CACNA2D3: variants seen among roughly 807,000 people sequenced by gnomAD.
CACNA2D3 encodes the protein calcium voltage-gated channel auxiliary subunit alpha2delta 3, also known as voltage-dependent calcium channel subunit alpha-2/delta-3.
A neutral mutation model predicts 160.6 loss-of-function variants in CACNA2D3; 60 were observed. The observed-to-expected ratio is 0.37, with a 90% CI of 0.30 to 0.46. The LOEUF (loss-of-function observed/expected upper bound fraction) is 0.46, where lower values mean the gene tolerates loss of function less well. Among genes scored for constraint, CACNA2D3 ranks in the 20% least tolerant of loss-of-function variants. The pLI is 1.00. For missense variants in CACNA2D3, 1,205 were observed against 1,365.0 expected, an observed-to-expected ratio of 0.88 and a Z score of 1.85; for synonymous variants, 558 against 492.9, an observed-to-expected ratio of 1.13 and a Z score of -1.75.
intron 4 of CACNA2D3, among the ~76,000 whole-genome samples, chr3:54,462,905 G>A (rs1020742356): frequency 6.7e-6 from 1 of 149,216 alleles, no homozygotes; most frequent in African/African-American, 2.5e-5. Flanking sequence ...ATTTTGCAGC[G>A]GCTGGTACCG....
At chr3:54,526,220 A>G (rs1315322787) in intron 5 of CACNA2D3, among the ~76,000 whole-genome samples, 1 of 152,100 alleles carries the variant, frequency 6.6e-6, no homozygotes, top group East Asian at 1.9e-4. Context: ...GTGATGTCGT[A>G]ATATCCATCT....
chr3:54,578,169 G>A (rs1702617579), intron 8 of CACNA2D3, among the ~76,000 whole-genome samples: 1 of 152,206 alleles, frequency 6.6e-6, no homozygotes, highest in African/African-American at 2.4e-5. Context: ...AATCCTGGTA[G>A]TGCAGGGAAG....
At chr3:54,687,161 C>T (rs1454612387) in intron 11 of CACNA2D3, among the ~76,000 whole-genome samples, 2 of 64,522 alleles carry the variant, frequency 3.1e-5, no homozygotes, top group African/African-American at 6.6e-5. Context: ...GTTTTTTTGA[C>T]ACTGGGCCTC....
chr3:55,069,834 T>G (rs1435798030), intron 35 of CACNA2D3, among the ~76,000 whole-genome samples: 1 of 152,240 alleles, frequency 6.6e-6, no homozygotes, highest in African/African-American at 2.4e-5. Flanking sequence ...GTTCTCAGAT[T>G]GTTTACAATG....
At position 54,267,690 on chromosome 3, in the gene CACNA2D3, C is replaced by A. The variant is rs186516672; in HGVS notation, c.205-52752C>A. ...CAATCCCTGGCTGTTTTAAGCTTTT[C>A]TTGTGCTATATATGACTGAAAACTT... is the stretch of plus-strand genomic sequence containing the variant. On this transcript the variant is annotated intron_variant, in intron 2 of 37. Transcript: ENST00000474759. Among the ~76,000 whole-genome samples, 3 of 152,222 alleles carry A rather than the reference C, an allele frequency of 2.0e-5. No individual in the cohort carries two copies. The East Asian group carries it at 5.8e-4, about 29-fold the overall frequency.
chr3:54,848,341 G>A (rs547443577), intron 17 of CACNA2D3, among the ~76,000 whole-genome samples: 1 of 152,312 alleles, frequency 6.6e-6, no homozygotes, highest in East Asian at 1.9e-4. Flanking sequence ...TTCTTCTGTT[G>A]ACACACCAAA....
Position 54,901,267 on chromosome 3 carries a change from T to TTTTTAAA in CACNA2D3, c.2449+1399_2449+1400insTTTTAAA. On this transcript the variant is annotated intron_variant, in intron 27 of 37. Transcript: ENST00000474759. ...GGTCTGGCCAGAATATCTGGTTGTC[T>TTTTTAAA]GTTTGAAATTTCTTTTTAAAACCCT... is the stretch of plus-strand genomic sequence containing the variant. 2 of 152,368 alleles carry TTTTTAAA rather than the reference T, an allele frequency of 1.3e-5. 1 individual carries two copies. The highest frequency in any genetic ancestry group is 3.9e-4 in the East Asian group (2 of 5,190). The allele number at this position is 152,368 out of a possible 1,614,324, so 9.4% of individuals were successfully genotyped here.
At chr3:54,410,856 C>T (rs1344056796) in intron 4 of CACNA2D3, among the ~76,000 whole-genome samples, 4 of 152,268 alleles carry the variant, frequency 2.6e-5, no homozygotes, top group South Asian at 4.2e-4. Context: ...TCCGTCTGGT[C>T]TGGACAAAGT....
At chr3:54,938,469 G>C (rs1052382184) in intron 27 of CACNA2D3, among the ~76,000 whole-genome samples, 1 of 152,160 alleles carries the variant, frequency 6.6e-6, no homozygotes, top group African/African-American at 2.4e-5. Context: ...CATAATCCTA[G>C]TTGGTGTTCC....
intron 2 of CACNA2D3, among the ~76,000 whole-genome samples, chr3:54,147,024 T>C (rs1700044283): frequency 6.6e-6 from 1 of 152,230 alleles, no homozygotes; most frequent in Admixed American, 6.5e-5. Flanking sequence ...AGGCTGATAA[T>C]ATCCCTAGAT....
intron 11 of CACNA2D3, among the ~76,000 whole-genome samples, chr3:54,661,593 A>G (rs1364047866): frequency 6.6e-6 from 1 of 152,142 alleles, no homozygotes; most frequent in Non-Finnish European, 1.5e-5. Flanking sequence ...AAAAATCCAG[A>G]GAGAGTCATC....
At position 54,145,714 on chromosome 3, in the gene CACNA2D3, C is replaced by T. The variant is rs72970072; in HGVS notation, c.204+22120C>T. Among the ~76,000 whole-genome samples the T allele has an allele frequency of 3.0e-3, 451 of 152,290 alleles. 2 individuals are homozygous for T. Among genetic ancestry groups the T allele is most frequent in the African/African-American group, 1.0e-2 (415 of 41,556 alleles). ...GCAGCATCCAGAGACTGCATGAAGTCGACAAGTGAGATAGACCAACAGGCA... is the reference window on the plus strand; with the variant it reads ...GCAGCATCCAGAGACTGCATGAAGTTGACAAGTGAGATAGACCAACAGGCA... On this transcript the variant is annotated intron_variant, in intron 2 of 37. Coordinates refer to ENST00000474759, the MANE Select transcript of CACNA2D3 (RefSeq NM_018398.3).
rs10716957 is a variant in CACNA2D3, at chr3:54,960,076, C to CA, written c.2450-8358dup. Among the ~76,000 whole-genome samples, 402 of 81,844 alleles carry CA rather than the reference C, an allele frequency of 4.9e-3. 2 individuals are homozygous for CA. The highest frequency in any genetic ancestry group is 0.02 in the South Asian group (42 of 2,094). The allele number at this position is 81,844 out of a possible 152,430, so 53.7% of individuals were successfully genotyped here. Reference sequence around the variant, plus strand: ...ACAGTTCCGAGAAGCTCTGACAGGACAAAAAAAAAAAAAAAACCAAAGTGA... The same window carrying CA: ...ACAGTTCCGAGAAGCTCTGACAGGACAAAAAAAAAAAAAAAAACCAAAGTGA... On this transcript the variant is annotated intron_variant, in intron 27 of 37. Transcript: ENST00000474759.
intron 4 of CACNA2D3, among the ~76,000 whole-genome samples, chr3:54,404,929 C>T (rs1399110939): frequency 6.7e-6 from 1 of 149,650 alleles, no homozygotes; most frequent in Non-Finnish European, 1.5e-5. Context: ...AAGTAAAAGA[C>T]ATACACTGAA....
At chr3:54,619,563 C>G (rs753819347) in intron 9 of CACNA2D3, among the ~76,000 whole-genome samples, 1 of 152,226 alleles carries the variant, frequency 6.6e-6, no homozygotes, top group Non-Finnish European at 1.5e-5. Context: ...GTTACACACA[C>G]GTAAAGGACA....
intron 5 of CACNA2D3, among the ~76,000 whole-genome samples, chr3:54,537,757 G>A (rs1180463142): frequency 6.6e-6 from 1 of 152,144 alleles, no homozygotes; most frequent in Admixed American, 6.5e-5. Context: ...ACTCCCTGTG[G>A]TTAGGCAGCA....
chr3:54,473,615 A>C (rs371851564), intron 4 of CACNA2D3, among the ~76,000 whole-genome samples: 3 of 152,218 alleles, frequency 2.0e-5, no homozygotes, highest in Non-Finnish European at 2.9e-5. Context: ...AATGGGAGAA[A>C]AGTTTTGTAA....
intron 4 of CACNA2D3, among the ~76,000 whole-genome samples, chr3:54,474,477 C>G (rs898280778): frequency 6.6e-6 from 1 of 152,088 alleles, no homozygotes. Context: ...CAGCAAACCA[C>G]TATGGCACGT....
chr3:55,045,001 AT>A (rs753579576), intron 35 of CACNA2D3, among the ~76,000 whole-genome samples: 4 of 152,238 alleles, frequency 2.6e-5, no homozygotes, highest in Non-Finnish European at 5.9e-5. Flanking sequence ...AATTGCTAAT[AT>A]TATGTTGTGG....
Sources: allele counts gnomAD v4.1 joint callset (sites outside exome capture counted in the v4.1 genomes callset), GRCh38; gene constraint gnomAD v4.1.1; transcripts MANE v1.5; gene names NCBI Gene and HGNC (gene_info 2026-07-23, HGNC 2026-07-21).